The following ATXN10 variants were observed in gnomAD, a reference collection of about 807,000 sequenced individuals.
The protein encoded by ATXN10 is ataxin-10.
Under a neutral mutation model 52.9 loss-of-function variants are expected in ATXN10, and 28 were observed. The observed-to-expected ratio is 0.53, with a 90% CI of 0.39 to 0.73. ATXN10 has a LOEUF of 0.73. Among genes scored for constraint, ATXN10 ranks in the 30% least tolerant of loss-of-function variants. The pLI is 0.00. For synonymous variants in ATXN10, 226 were observed against 221.5 expected, an observed-to-expected ratio of 1.02 and a Z score of -0.18; for missense variants, 565 against 577.0, an observed-to-expected ratio of 0.98 and a Z score of 0.21.
In ATXN10 at chr22:45,841,221, A is replaced by C. The variant is rs1002014391; in HGVS notation, c.1238-1770A>C. Among the ~76,000 whole-genome samples the C allele has an allele frequency of 2.0e-5, 3 of 152,250 alleles. No homozygotes were observed. Among genetic ancestry groups the C allele is most frequent in the African/African-American group, 7.2e-5 (3 of 41,470 alleles). On this transcript the variant is annotated intron_variant, in intron 10 of 11. Transcript: ENST00000252934. The surrounding 1 kb of genome is among the most constrained non-coding windows in gnomAD (Gnocchi z 5.1). ...TAAAGGACCTGGACTTTGTCACGAGAGAATGACAGATAAATGACACAATAA... is the reference window on the plus strand; with the variant it reads ...TAAAGGACCTGGACTTTGTCACGAGCGAATGACAGATAAATGACACAATAA...
chr22:45,832,882 G>T (rs1929038547), intron 10 of ATXN10, among the ~76,000 whole-genome samples: 1 of 152,194 alleles, frequency 6.6e-6, no homozygotes, highest in African/African-American at 2.4e-5. Flanking sequence ...TACGCGTCAA[G>T]GGAGAGTTTT....
rs1925641671 is a variant in ATXN10 at position 45,744,144 on chromosome 22, A to G, written c.1173+3606A>G. Among the ~76,000 whole-genome samples the G allele has an allele frequency of 6.6e-6, 1 of 152,292 alleles. No homozygotes were observed. Among genetic ancestry groups the G allele is most frequent in the East Asian group, 1.9e-4 (1 of 5,182 alleles). On this transcript the variant is annotated intron_variant, in intron 9 of 11. Transcript: ENST00000252934. This position sits in a 1 kb window ranked among gnomAD's most constrained non-coding sequence, Gnocchi z 4.9. The stretch of plus-strand genomic sequence containing the variant: ...GATCCTTTGACGGGTAATTCAGGCA[A>G]GGTATTAATATCTTCTGTGGAGCTT...
rs562841790 is a variant in ATXN10, at chr22:45,688,288, T to C, written c.117-1424T>C. Among the ~76,000 whole-genome samples the C allele has an allele frequency of 1.3e-5, 2 of 152,240 alleles. No homozygotes were observed. Among genetic ancestry groups the C allele is most frequent in the South Asian group, 4.1e-4 (2 of 4,822 alleles). On this transcript the variant is annotated intron_variant, in intron 1 of 11. Coordinates refer to ENST00000252934, the MANE Select transcript of ATXN10 (RefSeq NM_013236.4). This position sits in a 1 kb window ranked among gnomAD's most constrained non-coding sequence, Gnocchi z 4.0. ...CATAGACAAATTATTTTATGTGCAG[T>C]TTCCCAGTTTTTAATTAATTTATAC...
At chr22:45,749,871 A>G (rs1181725410) in intron 9 of ATXN10, among the ~76,000 whole-genome samples, 1 of 151,590 alleles carries the variant, frequency 6.6e-6, no homozygotes, top group Non-Finnish European at 1.5e-5. Flanking sequence ...TGGCCTGAAT[A>G]TGGTTTCTTT....
intron 10 of ATXN10, among the ~76,000 whole-genome samples, chr22:45,812,322 A>G (rs1021086418): frequency 2.6e-5 from 4 of 152,230 alleles, no homozygotes; most frequent in African/African-American, 9.6e-5. Context: ...TCACCTCAAT[A>G]TAAATATACC....
chr22:45,812,931 T>C (rs569555845), intron 10 of ATXN10, among the ~76,000 whole-genome samples: 1 of 152,088 alleles, frequency 6.6e-6, no homozygotes, highest in Non-Finnish European at 1.5e-5. Flanking sequence ...TGCCCCACAG[T>C]AGGGGATGGG....
chr22:45,767,686 A>G (rs1435037627), intron 9 of ATXN10, among the ~76,000 whole-genome samples: 1 of 152,202 alleles, frequency 6.6e-6, no homozygotes, highest in Non-Finnish European at 1.5e-5. Context: ...AGAAAGAAAA[A>G]AAAGGGAGAG....
intron 2 of ATXN10, 79 bp from the exon 3 acceptor site, chr22:45,692,917 C>T: frequency 1.7e-6 from 2 of 1,160,888 alleles, no homozygotes; most frequent in Non-Finnish European, 2.6e-6. Flanking sequence ...CTCAGCTCTC[C>T]CATTGTAGTG....
At chr22:45,799,752 A>G (rs1429646410) in intron 9 of ATXN10, among the ~76,000 whole-genome samples, 1 of 152,206 alleles carries the variant, frequency 6.6e-6, no homozygotes. Context: ...TACCAAACTA[A>G]TACAATTGCC....
chr22:45,804,666 CTTTAT>C (rs1206274874), intron 9 of ATXN10, among the ~76,000 whole-genome samples: 2 of 152,100 alleles, frequency 1.3e-5, no homozygotes, highest in African/African-American at 2.4e-5. Context: ...CTGAAAAGAA[CTTTAT>C]TTTATATTTC....
intron 7 of ATXN10, among the ~76,000 whole-genome samples, chr22:45,736,909 T>C (rs1178043327): frequency 6.6e-6 from 1 of 152,204 alleles, no homozygotes; most frequent in Non-Finnish European, 1.5e-5. Context: ...TTATTGTTCA[T>C]TTTTTGTTTA....
In ATXN10 at chr22:45,784,080, G is replaced by A. The variant is rs1927243198; in HGVS notation, c.1174-22879G>A. 6.6e-6 allele frequency among the ~76,000 whole-genome samples: 1 copy of A among 152,036 alleles called. No individual in the cohort carries two copies. The highest frequency in any genetic ancestry group is 2.4e-5 in the African/African-American group (1 of 41,380). On this transcript the variant is annotated intron_variant, in intron 9 of 11. Transcript: ENST00000252934. This position sits in a 1 kb window ranked among gnomAD's most constrained non-coding sequence, Gnocchi z 4.2. ...TCTTAATCCTCATCACTCTTCATTT[G>A]CACACTTTGAGGTTTTCCAGCACAT...
intron 7 of ATXN10, among the ~76,000 whole-genome samples, chr22:45,737,949 G>T (rs1925364673): frequency 6.6e-6 from 1 of 151,892 alleles, no homozygotes; most frequent in Non-Finnish European, 1.5e-5. Context: ...GTGATCTTCT[G>T]GCCTCGGCCT....
intron 10 of ATXN10, among the ~76,000 whole-genome samples, chr22:45,834,416 G>T (rs564410661): frequency 6.6e-6 from 1 of 152,288 alleles, no homozygotes; most frequent in East Asian, 1.9e-4. Flanking sequence ...CACCATCTGG[G>T]CAGTGAAGCT....
chr22:45,672,122 T>G lies in ATXN10; in HGVS notation c.59T>G (p.Ile20Ser). 6.5e-7 allele frequency: 1 copy of G among 1,539,968 alleles called. No individual in the cohort carries two copies. Among genetic ancestry groups the G allele is most frequent in the Non-Finnish European group, 8.7e-7 (1 of 1,145,404 alleles). The change falls in exon 1 of 12, where the codon ATC (isoleucine) becomes AGC (serine). Residue 20 changes from isoleucine to serine, a missense_variant. Coordinates refer to ENST00000252934, the MANE Select transcript of ATXN10 (RefSeq NM_013236.4). ...RLSGVMVPAP[I>S]QDLEALRALT... Reference sequence around the variant, plus strand: ...TCGGGCGTCATGGTGCCGGCGCCCATCCAAGACCTGGAGGCCCTGCGCGCG... The same window carrying G: ...TCGGGCGTCATGGTGCCGGCGCCCAGCCAAGACCTGGAGGCCCTGCGCGCG...
At position 45,823,526 on chromosome 22, in the gene ATXN10, A is replaced by G. The variant is rs951436484; in HGVS notation, c.1237+16504A>G. On this transcript the variant is annotated intron_variant, in intron 10 of 11. Coordinates refer to ENST00000252934, the MANE Select transcript of ATXN10 (RefSeq NM_013236.4). This position sits in a 1 kb window ranked among gnomAD's most constrained non-coding sequence, Gnocchi z 4.9. ...GGCTCTGCAGGACCGCCTTGTCATA[A>G]ATCATTGTCCTACAGGCATGATTCT... Among the ~76,000 whole-genome samples the G allele has an allele frequency of 1.3e-5, 2 of 152,168 alleles. No homozygotes were observed. Among genetic ancestry groups the G allele is most frequent in the East Asian group, 3.9e-4 (2 of 5,188 alleles).
intron 7 of ATXN10, among the ~76,000 whole-genome samples, chr22:45,737,197 C>T (rs1925330694): frequency 6.6e-6 from 1 of 152,238 alleles, no homozygotes; most frequent in Non-Finnish European, 1.5e-5. Context: ...TGTGCCACTG[C>T]TGGCCGGTGG....
chr22:45,824,914 A>C lies in ATXN10; in HGVS notation c.1237+17892A>C, dbSNP rs150194286. ...ATCTCCTAGACAACATTTGTACTGA[A>C]TCTGATGTAACTGTTTTGGTACGCT... On this transcript the variant is annotated intron_variant, in intron 10 of 11. Transcript: ENST00000252934. This position sits in a 1 kb window ranked among gnomAD's most constrained non-coding sequence, Gnocchi z 5.2. Among the ~76,000 whole-genome samples the C allele has an allele frequency of 1.4e-3, 215 of 152,324 alleles. No homozygotes were observed. The highest frequency in any genetic ancestry group is 2.5e-3 in the Non-Finnish European group (169 of 68,036).
Position 45,837,914 on chromosome 22 carries a change from C to G in ATXN10, c.1238-5077C>G, listed in dbSNP as rs997975727. On this transcript the variant is annotated intron_variant, in intron 10 of 11. Transcript: ENST00000252934. The surrounding 1 kb of genome is among the most constrained non-coding windows in gnomAD (Gnocchi z 5.8). Reference sequence around the variant, plus strand: ...AAGCACAGGCCATCATTTGCTGACCCCTGTTCTTAGCAGTCTTCTAAACAC... The same window carrying G: ...AAGCACAGGCCATCATTTGCTGACCGCTGTTCTTAGCAGTCTTCTAAACAC... Among the ~76,000 whole-genome samples the G allele has an allele frequency of 6.6e-6, 1 of 152,158 alleles. No homozygotes were observed. Among genetic ancestry groups the G allele is most frequent in the African/African-American group, 2.4e-5 (1 of 41,436 alleles).
Sources: gnomAD v4.1 joint callset for allele counts (sites outside exome capture counted in the v4.1 genomes callset) on GRCh38, gnomAD v4.1.1 for gene constraint, Gnocchi (gnomAD v3.1) non-coding constraint, MANE v1.5 for transcripts, NCBI Gene and HGNC (gene_info 2026-07-23, HGNC 2026-07-21) for gene names.